FHOD3: variants seen among roughly 807,000 people sequenced by gnomAD.
The protein encoded by FHOD3 is FH1/FH2 domain-containing protein 3.
A neutral mutation model predicts 173.0 loss-of-function variants in FHOD3; 90 were observed. The observed-to-expected ratio is 0.52, with a 90% CI of 0.44 to 0.62. FHOD3 has a LOEUF of 0.62. Ranked by LOEUF, FHOD3 falls within the 20% of genes least tolerant of loss-of-function variation. The pLI is 0.00. For missense variants in FHOD3, 1,945 were observed against 2,034.7 expected (o/e 0.96, Z 0.85); for synonymous variants, 828 against 823.0 (o/e 1.01, Z -0.10).
intron 10 of FHOD3, among the ~76,000 whole-genome samples, chr18:36,629,519 T>C (rs1471333872): frequency 6.6e-6 from 1 of 151,796 alleles, no homozygotes; most frequent in African/African-American, 2.4e-5. Flanking sequence ...TTGAGGGAGG[T>C]TGGGGGAAAT....
chr18:36,529,089 T>C (rs2056663351), intron 5 of FHOD3, among the ~76,000 whole-genome samples: 1 of 152,228 alleles, frequency 6.6e-6, no homozygotes, highest in East Asian at 1.9e-4. Context: ...GTTGTATAAA[T>C]AGATGTAGCT....
In FHOD3 at chr18:36,308,625, G is replaced by A. The variant is rs577719196; in HGVS notation, c.165+10625G>A. ...CCCGGGCTGTGCACTGAGCACCTTC[G>A]GACCCAGGACACTGTGGGTCTCACT... is the stretch of plus-strand genomic sequence containing the variant. On this transcript the variant is annotated intron_variant, in intron 1 of 28. Coordinates refer to ENST00000590592, the MANE Select transcript of FHOD3 (RefSeq NM_001281740.3). Among the ~76,000 whole-genome samples, 25 of 152,222 alleles carry A rather than the reference G, an allele frequency of 1.6e-4. No homozygotes were observed. In the South Asian group the frequency reaches 4.1e-3, roughly 25 times the overall value.
rs1037426348 is a variant in FHOD3 at position 36,638,651 on chromosome 18, G to A, written c.1197-10665G>A. Among the ~76,000 whole-genome samples, 9 of 152,280 alleles carry A rather than the reference G, an allele frequency of 5.9e-5. No individual in the cohort carries two copies. In the South Asian group the frequency reaches 8.3e-4, roughly 14 times the overall value. On this transcript the variant is annotated intron_variant, in intron 10 of 28. Transcript: ENST00000590592. ...AGCATCTAAAATAACCCATGTTCAG[G>A]TTCTACCCCAGAACAATTGAATGCA...
chr18:36,571,945 A>G (rs560326298), intron 5 of FHOD3, among the ~76,000 whole-genome samples: 2 of 152,308 alleles, frequency 1.3e-5, no homozygotes, highest in South Asian at 4.1e-4. Flanking sequence ...GAGTTTTCCC[A>G]CCACTTCTCA....
intron 2 of FHOD3, among the ~76,000 whole-genome samples, chr18:36,369,746 A>G (rs758710068): frequency 1.1e-4 from 17 of 151,918 alleles, no homozygotes; most frequent in Admixed American, 5.9e-4. Flanking sequence ...AGATTTTTGC[A>G]TCTTAGATTT....
chr18:36,594,764 G>A, intron 6 of FHOD3, 23 bp from the exon 7 acceptor site: 1 of 1,576,622 alleles, frequency 6.3e-7, no homozygotes, highest in Non-Finnish European at 8.7e-7. Flanking sequence ...GCAGTGATGT[G>A]ATGGTTTTAT....
At chr18:36,511,690 G>A (rs941381737) in intron 4 of FHOD3, among the ~76,000 whole-genome samples, 2 of 152,162 alleles carry the variant, frequency 1.3e-5, no homozygotes, top group African/African-American at 4.8e-5. Flanking sequence ...CCGTAGTGGG[G>A]CTAACAAGTT....
intron 16 of FHOD3, among the ~76,000 whole-genome samples, chr18:36,689,672 A>T (rs1024715633): frequency 1.3e-4 from 20 of 152,182 alleles, no homozygotes; most frequent in African/African-American, 4.8e-4. Flanking sequence ...GTAAGGAATG[A>T]GCCAGGCTGG....
At chr18:36,312,002 A>T (rs1598662352) in intron 1 of FHOD3, among the ~76,000 whole-genome samples, 2 of 150,998 alleles carry the variant, frequency 1.3e-5, no homozygotes, top group South Asian at 4.2e-4. Context: ...CCACCCTTCA[A>T]CCCTCAAGCC....
chr18:36,391,289 C>T (rs2048288135), intron 3 of FHOD3, among the ~76,000 whole-genome samples: 1 of 152,132 alleles, frequency 6.6e-6, no homozygotes, highest in Non-Finnish European at 1.5e-5. Context: ...AAGGGGGTGG[C>T]TCATGGAACA....
At chr18:36,641,263 C>G (rs2035285637) in intron 10 of FHOD3, among the ~76,000 whole-genome samples, 1 of 152,128 alleles carries the variant, frequency 6.6e-6, no homozygotes, top group Admixed American at 6.5e-5. Flanking sequence ...ATGAAATGCC[C>G]TTGATGTTGG....
At chr18:36,480,567 T>A (rs2053828124) in intron 3 of FHOD3, among the ~76,000 whole-genome samples, 1 of 152,198 alleles carries the variant, frequency 6.6e-6, no homozygotes, top group African/African-American at 2.4e-5. Context: ...CATTTACAGT[T>A]TTTTAAGCTT....
chr18:36,554,364 T>C (rs2057785968), intron 5 of FHOD3, among the ~76,000 whole-genome samples: 1 of 152,090 alleles, frequency 6.6e-6, no homozygotes. Flanking sequence ...GAAACCATTA[T>C]TCTGAGCAAA....
chr18:36,668,191 A>T (rs8082907), intron 14 of FHOD3, among the ~76,000 whole-genome samples: 2 of 152,296 alleles, frequency 1.3e-5, no homozygotes, highest in East Asian at 3.9e-4. Context: ...AATGCCTCTA[A>T]TAGATATTTA....
intron 25 of FHOD3, among the ~76,000 whole-genome samples, chr18:36,756,755 T>G (rs1383515660): frequency 1.3e-5 from 2 of 152,220 alleles, no homozygotes; most frequent in Non-Finnish European, 2.9e-5. Flanking sequence ...CTTGGAATTT[T>G]CTGGACCTTT....
At chr18:36,668,783 G>A (rs2037346621) in intron 14 of FHOD3, among the ~76,000 whole-genome samples, 2 of 151,886 alleles carry the variant, frequency 1.3e-5, no homozygotes, top group Admixed American at 1.3e-4. Flanking sequence ...AAGTATTTGT[G>A]GATATTCCAA....
At chr18:36,480,633 A>G (rs2053831691) in intron 3 of FHOD3, among the ~76,000 whole-genome samples, 1 of 152,246 alleles carries the variant, frequency 6.6e-6, no homozygotes, top group Non-Finnish European at 1.5e-5. Context: ...GAGTAACTTT[A>G]GTCATATTGC....
intron 2 of FHOD3, among the ~76,000 whole-genome samples, chr18:36,368,011 T>A (rs2046984020): frequency 6.6e-6 from 1 of 152,148 alleles, no homozygotes; most frequent in Non-Finnish European, 1.5e-5. Context: ...CCCAGCCATG[T>A]GGAACTGTGA....
chr18:36,337,789 G>A lies in FHOD3; in HGVS notation c.166-17750G>A, dbSNP rs187002785. On this transcript the variant is annotated intron_variant, in intron 1 of 28. Coordinates refer to ENST00000590592, the MANE Select transcript of FHOD3 (RefSeq NM_001281740.3). ...ATAGCTCACACCAACCCTATACTTT[G>A]TGATGCCAGGTTGGGGGAGGCATCA... Among the ~76,000 whole-genome samples the A allele has an allele frequency of 1.9e-4, 29 of 152,302 alleles. 1 individual carries two copies. Among genetic ancestry groups the A allele is most frequent in the Admixed American group, 1.6e-3 (24 of 15,296 alleles).
Sources: allele counts gnomAD v4.1 joint callset (sites outside exome capture counted in the v4.1 genomes callset), GRCh38; gene constraint gnomAD v4.1.1; transcripts MANE v1.5; gene names NCBI Gene and HGNC (gene_info 2026-07-23, HGNC 2026-07-21).